The following CTNNA2 variants were observed in gnomAD, a reference collection of about 807,000 sequenced individuals.
CTNNA2 encodes catenin alpha 2.
CTNNA2 carries 42 observed loss-of-function variants against 101.0 expected under a neutral mutation model. The ratio of observed to expected loss-of-function variants is 0.42; its 90% CI spans 0.32 to 0.54. The LOEUF (loss-of-function observed/expected upper bound fraction) is 0.54, where lower values mean the gene tolerates loss of function less well. CTNNA2 is among the 20% of genes least tolerant of loss of function. The pLI is 0.14. For synonymous variants in CTNNA2, 450 were observed against 456.4 expected, an observed-to-expected ratio of 0.99 and a Z score of 0.18; for missense variants, 871 against 1,223.1, an observed-to-expected ratio of 0.71 and a Z score of 4.29.
chr2:80,320,836 A>G (rs1310347550), intron 7 of CTNNA2, among the ~76,000 whole-genome samples: 1 of 152,230 alleles, frequency 6.6e-6, no homozygotes, highest in Non-Finnish European at 1.5e-5. Context: ...ATCTGTATAT[A>G]TAGTCCATAT....
At chr2:80,486,189 T>C (rs1463990863) in intron 9 of CTNNA2, among the ~76,000 whole-genome samples, 1 of 152,192 alleles carries the variant, frequency 6.6e-6, no homozygotes. Flanking sequence ...TAGACACATA[T>C]CAATTGCTTA....
chr2:80,312,568 G>T (rs113852122), intron 7 of CTNNA2, among the ~76,000 whole-genome samples: 1,842 of 152,282 alleles, frequency 0.012, 29 homozygotes, highest in African/African-American at 0.04. Flanking sequence ...GAACCAGGAA[G>T]TTAAACTTTA....
At position 80,302,225 on chromosome 2, in the gene CTNNA2, G is replaced by A. The variant is rs774272630; in HGVS notation, c.1057-90986G>A. 26 of 1,599,560 alleles carry A rather than the reference G, an allele frequency of 1.6e-5. No individual in the cohort carries two copies. In the East Asian group the frequency reaches 3.1e-4, roughly 19 times the overall value. On this transcript the variant is annotated intron_variant, in intron 7 of 18. Coordinates refer to ENST00000402739, the MANE Select transcript of CTNNA2 (RefSeq NM_001282597.3). The surrounding 1 kb of genome is among the most constrained non-coding windows in gnomAD (Gnocchi z 6.4). ...CGGCTGCCCAGGCGTATTTGGTAGC[G>A]CATGGGTTGAGAGCCACTGGGACAA...
intron 9 of CTNNA2, among the ~76,000 whole-genome samples, chr2:80,430,824 T>A (rs1287123017): frequency 6.6e-6 from 1 of 151,996 alleles, no homozygotes; most frequent in Non-Finnish European, 1.5e-5. Context: ...AAGTAGGGAG[T>A]GTCTATTCTC....
intron 1 of CTNNA2, among the ~76,000 whole-genome samples, chr2:79,537,232 A>G (rs1673129002): frequency 6.6e-6 from 1 of 152,138 alleles, no homozygotes; most frequent in Non-Finnish European, 1.5e-5. Flanking sequence ...TGTAATGACC[A>G]CCATTTCTAG....
chr2:80,110,697 A>G (rs767355982), intron 7 of CTNNA2, among the ~76,000 whole-genome samples: 1 of 152,188 alleles, frequency 6.6e-6, no homozygotes, highest in Non-Finnish European at 1.5e-5. Flanking sequence ...TTACCATCCA[A>G]TCTTACATCT....
chr2:79,693,194 G>A (rs1684432343), intron 2 of CTNNA2, among the ~76,000 whole-genome samples: 1 of 151,872 alleles, frequency 6.6e-6, no homozygotes, highest in South Asian at 2.1e-4. Flanking sequence ...AAATGTGTGG[G>A]AAGAAGTACA....
intron 3 of CTNNA2, among the ~76,000 whole-genome samples, chr2:79,831,335 G>A (rs1678908720): frequency 1.3e-5 from 2 of 151,974 alleles, no homozygotes; most frequent in South Asian, 4.1e-4. Context: ...TTTTAAATCT[G>A]TTTTTCAAAT....
chr2:80,103,426 G>A (rs571977751), intron 7 of CTNNA2, among the ~76,000 whole-genome samples: 5 of 152,198 alleles, frequency 3.3e-5, no homozygotes, highest in South Asian at 2.1e-4. Flanking sequence ...CATTTTGCCC[G>A]TATTACCTTT....
chr2:79,696,103 A>C (rs1289217086), intron 2 of CTNNA2, among the ~76,000 whole-genome samples: 1 of 151,954 alleles, frequency 6.6e-6, no homozygotes, highest in East Asian at 1.9e-4. Context: ...TGGGAATGGA[A>C]GTGGGTAGGC....
intron 4 of CTNNA2, among the ~76,000 whole-genome samples, chr2:79,419,230 CA>C (rs1281306823): frequency 6.6e-6 from 1 of 151,968 alleles, no homozygotes; most frequent in East Asian, 1.9e-4. Context: ...TTTCTTATTT[CA>C]AAGAATAATT....
rs1671609286 is a variant in CTNNA2, at chr2:79,745,871, A to G, written c.298+1289A>G. Reference sequence around the variant, plus strand: ...ATAATGCTGCTATGAACATAGAGGTAAAGATATCTCTTTAATGCCCTGCTT... The same window carrying G: ...ATAATGCTGCTATGAACATAGAGGTGAAGATATCTCTTTAATGCCCTGCTT... On this transcript the variant is annotated intron_variant, in intron 3 of 18. Transcript: ENST00000402739. 2.0e-5 allele frequency among the ~76,000 whole-genome samples: 3 copies of G among 152,212 alleles called. No homozygotes were observed. The South Asian group carries it at 6.2e-4, about 32-fold the overall frequency.
chr2:80,237,193 C>G (rs1250507400), intron 7 of CTNNA2, among the ~76,000 whole-genome samples: 1 of 152,098 alleles, frequency 6.6e-6, no homozygotes, highest in Non-Finnish European at 1.5e-5. Flanking sequence ...ATGATTGAGT[C>G]AAGCATATGG....
intron 14 of CTNNA2, among the ~76,000 whole-genome samples, chr2:80,584,340 C>T (rs962240621): frequency 2.0e-5 from 3 of 150,260 alleles, no homozygotes; most frequent in Non-Finnish European, 2.9e-5. Context: ...CAACATTGCT[C>T]TCAAATTCTG....
intron 8 of CTNNA2, among the ~76,000 whole-genome samples, chr2:80,403,295 T>C (rs919066522): frequency 2.0e-5 from 3 of 152,226 alleles, no homozygotes; most frequent in African/African-American, 7.2e-5. Context: ...TTGCACCTGC[T>C]GTAGGAGAAA....
intron 9 of CTNNA2, among the ~76,000 whole-genome samples, chr2:80,450,024 A>G (rs771836635): frequency 7.2e-5 from 11 of 152,212 alleles, no homozygotes; most frequent in South Asian, 2.1e-4. Context: ...TGGTTTATAC[A>G]TATCTCCTCT....
chr2:80,105,090 C>T (rs1003139893), intron 7 of CTNNA2, among the ~76,000 whole-genome samples: 2 of 152,234 alleles, frequency 1.3e-5, no homozygotes, highest in East Asian at 1.9e-4. Context: ...GTAATGGGAC[C>T]GTCAGGACCA....
chr2:80,433,376 A>G (rs1207521878), intron 9 of CTNNA2, among the ~76,000 whole-genome samples: 1 of 152,040 alleles, frequency 6.6e-6, no homozygotes, highest in Non-Finnish European at 1.5e-5. Flanking sequence ...CCCTCCAGGT[A>G]AGGTTCACAG....
intron 9 of CTNNA2, among the ~76,000 whole-genome samples, chr2:80,435,576 A>G (rs187817057): frequency 3.9e-5 from 6 of 152,336 alleles, no homozygotes; most frequent in African/African-American, 1.4e-4. Context: ...CAGCTAGCTT[A>G]AAATAAGCCT....
Sources: gnomAD v4.1 joint callset for allele counts (sites outside exome capture counted in the v4.1 genomes callset) on GRCh38, gnomAD v4.1.1 for gene constraint, Gnocchi (gnomAD v3.1) non-coding constraint, MANE v1.5 for transcripts, NCBI Gene and HGNC (gene_info 2026-07-23, HGNC 2026-07-21) for gene names.